The following DST variants were observed in gnomAD, a reference collection of about 807,000 sequenced individuals.
DST encodes the protein dystonin.
DST carries 253 observed loss-of-function variants against 875.2 expected under a neutral mutation model. That is an observed-to-expected ratio of 0.29 (90% CI 0.26 to 0.32). The LOEUF (loss-of-function observed/expected upper bound fraction) is 0.32, where lower values mean the gene tolerates loss of function less well. Among genes scored for constraint, DST ranks in the 10% least tolerant of loss-of-function variants. The probability of loss-of-function intolerance (pLI) is 1.00; values close to 1 mark genes in which losing one functional copy is unlikely to be tolerated. For missense variants in DST, 8,287 were observed against 9,111.6 expected (o/e 0.91, Z 3.68); for synonymous variants, 3,124 against 3,197.1 (o/e 0.98, Z 0.77).
intron 4 of DST, among the ~76,000 whole-genome samples, chr6:56,782,230 G>A (rs1184569040): frequency 6.6e-6 from 1 of 152,138 alleles, no homozygotes; most frequent in African/African-American, 2.4e-5. Flanking sequence ...GGATGATGCT[G>A]GCCTCACAAA....
intron 10 of DST, among the ~76,000 whole-genome samples, chr6:56,659,457 A>C (rs2099027557): frequency 6.6e-6 from 1 of 152,192 alleles, no homozygotes; most frequent in Non-Finnish European, 1.5e-5. Flanking sequence ...TAAAGGAGAG[A>C]GTATTTCAAG....
At chr6:56,562,335 G>A (rs1356016238) in intron 55 of DST, 135 bp from the exon 56 acceptor site, 3 of 490,564 alleles carry the variant, frequency 6.1e-6, no homozygotes, top group Non-Finnish European at 1.0e-5. Flanking sequence ...TCAAATGAAG[G>A]TCCAAAATGT....
At chr6:56,669,062 T>G (rs2099086170) in intron 10 of DST, among the ~76,000 whole-genome samples, 1 of 151,942 alleles carries the variant, frequency 6.6e-6, no homozygotes, top group Non-Finnish European at 1.5e-5. Flanking sequence ...AATTCCTGCT[T>G]TATGAGATTG....
At position 56,517,504 on chromosome 6, in the gene DST, T is replaced by C. The variant is rs1399541521; in HGVS notation, c.18246A>G (p.Gln6082=). 2 of 1,612,376 alleles carry C rather than the reference T, an allele frequency of 1.2e-6. No individual in the cohort carries two copies. Among genetic ancestry groups the C allele is most frequent in the South Asian group, 1.1e-5 (1 of 90,716 alleles). ...AATTGGAAATGTATTTCTTCACCTT[T>C]TGAACTTGAAGCTGAGCAGAAGTCT... ...QDQTSAQLQV[Q]KTFTMEILRH... The change falls in exon 70 of 104, where the codon CAA becomes CAG. Residue 6082 remains glutamine, a synonymous_variant. Transcript: ENST00000680361.
intron 49 of DST, among the ~76,000 whole-genome samples, chr6:56,582,660 A>G (rs1392236572): frequency 2.0e-5 from 3 of 151,028 alleles, no homozygotes; most frequent in Non-Finnish European, 2.9e-5. Context: ...TTAGTTACAT[A>G]TGTATACATG....
intron 102 of DST, chr6:56,461,656 T>C (rs1360189024): frequency 6.6e-6 from 1 of 152,224 alleles, no homozygotes; most frequent in African/African-American, 2.4e-5. Context: ...TTTGCACTAG[T>C]CAAAATAACT....
At position 56,630,259 on chromosome 6, in the gene DST, T is replaced by C. The variant is rs2152757614; in HGVS notation, c.4267A>G (p.Ile1423Val). 4 of 1,596,984 alleles carry C rather than the reference T, an allele frequency of 2.5e-6. No individual in the cohort carries two copies. Among genetic ancestry groups the C allele is most frequent in the Non-Finnish European group, 3.4e-6 (4 of 1,166,468 alleles). Residue 1423 changes from isoleucine to valine, a missense_variant, in exon 31 of 104, where the codon ATA becomes GTA. By Grantham distance (29) the Ile-to-Val change is conservative (BLOSUM62 3). This residue lies in a region of DST where 3,138 missense variants were observed against 3,116.6 expected (regional missense o/e 1.01). Transcript: ENST00000680361. ...IADKNNIENL[I>V]STLKQWRSEV... ...GAGTCTCATACCTTTAAAGTACTTA[T>C]TAGATTCTCAATATTATTCTTGTCA...
chr6:56,882,027 A>G (rs76199420), intron 3 of DST, among the ~76,000 whole-genome samples: 6,180 of 152,278 alleles, frequency 0.041, 403 homozygotes, highest in African/African-American at 0.14. Flanking sequence ...GTTCAGGTCG[A>G]ATGTATAATT....
intron 3 of DST, among the ~76,000 whole-genome samples, chr6:56,872,832 C>CCCCCTT (rs5876523): frequency 2.3e-5 from 3 of 127,860 alleles, no homozygotes; most frequent in Admixed American, 7.8e-5. Context: ...TCCCCCCCCC[C>CCCCCTT]TTTTTTTTTT....
intron 88 of DST, chr6:56,483,993 A>C (rs1011518602): frequency 6.6e-6 from 1 of 152,174 alleles, no homozygotes; most frequent in Non-Finnish European, 1.5e-5. Context: ...CTAGTCCAAT[A>C]GTTTTCAGAA....
chr6:56,617,095 T>C (rs1186923948), intron 36 of DST: 2 of 1,613,954 alleles, frequency 1.2e-6, no homozygotes, highest in Admixed American at 1.7e-5. Flanking sequence ...TTTTCTGAAC[T>C]TCTTCAACAG....
chr6:56,907,852 C>T (rs915769044), intron 2 of DST, among the ~76,000 whole-genome samples: 6 of 152,140 alleles, frequency 3.9e-5, no homozygotes, highest in African/African-American at 1.2e-4. Context: ...AAAATTAACA[C>T]GTTGACCCAC....
At chr6:56,692,989 T>A in intron 9 of DST, 3 of 1,289,822 alleles carry the variant, frequency 2.3e-6, no homozygotes, top group Non-Finnish European at 3.0e-6. Flanking sequence ...ATTTTCATTG[T>A]TTGCCCCAAC....
chr6:56,762,541 C>T (rs113325969), intron 4 of DST, among the ~76,000 whole-genome samples: 5,797 of 152,224 alleles, frequency 0.038, 372 homozygotes, highest in African/African-American at 0.13. Flanking sequence ...TGCACTTCTG[C>T]CTCCCTTTCT....
At chr6:56,565,890 T>A (rs1290016343) in intron 55 of DST, among the ~76,000 whole-genome samples, 1 of 152,216 alleles carries the variant, frequency 6.6e-6, no homozygotes, top group Non-Finnish European at 1.5e-5. Flanking sequence ...AGAGATGTCC[T>A]GCCCAAAGAG....
rs1403505104 is a variant in DST at position 56,692,832 on chromosome 6, G to A, written c.1047+6821C>T. On this transcript the variant is annotated intron_variant, in intron 9 of 103. Transcript: ENST00000680361. ...CACTCGGCAGAAGTTTCTGTTTAAC[G>A]CTGTCAGCTACAACTTCTGTCTTCT... The A allele has an allele frequency of 4.7e-6, 6 of 1,289,754 alleles. No individual in the cohort carries two copies. The Admixed American group carries it at 9.2e-5, about 20-fold the overall frequency. The allele number at this position is 1,289,754 out of a possible 1,614,324, so 79.9% of individuals were successfully genotyped here.
chr6:56,526,047 A>G (rs1395890809), intron 69 of DST, among the ~76,000 whole-genome samples: 2 of 152,224 alleles, frequency 1.3e-5, no homozygotes, highest in South Asian at 2.1e-4. Flanking sequence ...ATAAAAATTA[A>G]TATCAGCAAT....
chr6:56,681,314 C>T (rs530572776), intron 9 of DST, among the ~76,000 whole-genome samples: 1 of 152,284 alleles, frequency 6.6e-6, no homozygotes, highest in South Asian at 2.1e-4. Context: ...ATCTCTCCTC[C>T]CTGCCCTCTG....
rs1258090942 is a variant in DST at position 56,608,940 on chromosome 6, A to G, written c.5688T>C (p.Ala1896=). The G allele has an allele frequency of 6.2e-7, 1 of 1,613,708 alleles. No homozygotes were observed. ...CTGAGGAAACCAAGTTCTGTTGGAA[A>G]GCCTTCTGTAGGGTCAACTGTTCTC... The part of the protein sequence containing the change: ...ATGEQLTLQK[A]FQQNLVSSAL... The change falls in exon 40 of 104, where the codon GCT becomes GCC. Residue 1896 remains alanine (A), a synonymous_variant. Coordinates refer to ENST00000680361, the MANE Select transcript of DST (RefSeq NM_001374736.1).
Sources: gnomAD v4.1 joint callset for allele counts (sites outside exome capture counted in the v4.1 genomes callset) on GRCh38, gnomAD v4.1.1 for gene constraint, gnomAD v4.1.1 regional missense constraint, MANE v1.5 for transcripts, NCBI Gene and HGNC (gene_info 2026-07-23, HGNC 2026-07-21) for gene names.